ADAMTS17: variants seen among roughly 807,000 people sequenced by gnomAD.
ADAMTS17 encodes ADAM metallopeptidase with thrombospondin type 1 motif 17.
ADAMTS17 carries 113 observed loss-of-function variants against 141.5 expected under a neutral mutation model. That is an observed-to-expected ratio of 0.80 (90% CI 0.69 to 0.93). The LOEUF is 0.93. Among genes scored for constraint, ADAMTS17 ranks in the 40% least tolerant of loss-of-function variants. The probability of loss-of-function intolerance (pLI) is 0.00; values close to 1 mark genes in which losing one functional copy is unlikely to be tolerated. For synonymous variants in ADAMTS17, 768 were observed against 630.6 expected (o/e 1.22, Z -3.27); for missense variants, 1,659 against 1,517.9 (o/e 1.09, Z -1.54).
intron 8 of ADAMTS17, among the ~76,000 whole-genome samples, chr15:100,182,302 T>C (rs936049052): frequency 9.2e-5 from 14 of 152,164 alleles, no homozygotes; most frequent in African/African-American, 3.1e-4. Flanking sequence ...TCAGATCTGG[T>C]GAGCACTCAC....
chr15:99,993,575 C>T lies in ADAMTS17; in HGVS notation c.2797-375G>A, dbSNP rs749281708. Among the ~76,000 whole-genome samples, 66 of 152,268 alleles carry T rather than the reference C, an allele frequency of 4.3e-4. No individual in the cohort carries two copies. Among genetic ancestry groups the T allele is most frequent in the Non-Finnish European group, 8.7e-4 (59 of 68,014 alleles). On this transcript the variant is annotated intron_variant, in intron 19 of 21. Coordinates refer to ENST00000268070, the MANE Select transcript of ADAMTS17 (RefSeq NM_139057.4). This position sits in a 1 kb window ranked among gnomAD's most constrained non-coding sequence, Gnocchi z 4.3. Reference sequence around the variant, plus strand: ...AGTGGGGCAGGGAACAGGGGCCAGCCGGAGCAAGGTGAGGCCCTAAAGCTG... The same window carrying T: ...AGTGGGGCAGGGAACAGGGGCCAGCTGGAGCAAGGTGAGGCCCTAAAGCTG...
intron 18 of ADAMTS17, among the ~76,000 whole-genome samples, chr15:100,014,387 T>C (rs1407832971): frequency 6.6e-6 from 1 of 152,182 alleles, no homozygotes; most frequent in Non-Finnish European, 1.5e-5. Context: ...TGCTCTGATC[T>C]TGGTTATTTC....
intron 4 of ADAMTS17, among the ~76,000 whole-genome samples, chr15:100,273,678 C>T (rs1000734643): frequency 1.3e-5 from 2 of 152,084 alleles, no homozygotes; most frequent in Non-Finnish European, 2.9e-5. Context: ...CTGTCCTTTT[C>T]TCTCTGCTTT....
intron 18 of ADAMTS17, among the ~76,000 whole-genome samples, chr15:100,021,085 C>G (rs2061399209): frequency 6.6e-6 from 1 of 152,150 alleles, no homozygotes; most frequent in Non-Finnish European, 1.5e-5. Context: ...TGTTTGAGGA[C>G]CTTATCTATG....
At chr15:100,328,713 A>AAC (rs1413845678) in intron 3 of ADAMTS17, among the ~76,000 whole-genome samples, 2 of 152,212 alleles carry the variant, frequency 1.3e-5, no homozygotes, top group Non-Finnish European at 2.9e-5. Context: ...CAAAAATGCA[A>AAC]ACACAAGCAC....
chr15:100,229,713 A>G (rs545609798), intron 7 of ADAMTS17, among the ~76,000 whole-genome samples: 1 of 152,118 alleles, frequency 6.6e-6, no homozygotes, highest in Non-Finnish European at 1.5e-5. Flanking sequence ...CCCACAACAA[A>G]ACACCCACAG....
chr15:100,337,417 G>A (rs2046239733), intron 2 of ADAMTS17, among the ~76,000 whole-genome samples: 1 of 152,200 alleles, frequency 6.6e-6, no homozygotes, highest in South Asian at 2.1e-4. Context: ...ATGTGGCTGT[G>A]GCAACAGAAG....
rs552133232 is a variant in ADAMTS17 at position 99,993,555 on chromosome 15, G to C, written c.2797-355C>G. On this transcript the variant is annotated intron_variant, in intron 19 of 21. Transcript: ENST00000268070. This position sits in a 1 kb window ranked among gnomAD's most constrained non-coding sequence, Gnocchi z 4.3. ...AGGTGTGTGATGGAGCCATGAGTGG[G>C]GCAGGGAACAGGGGCCAGCCGGAGC... Among the ~76,000 whole-genome samples the C allele has an allele frequency of 1.8e-4, 27 of 152,318 alleles. No individual in the cohort carries two copies. In the South Asian group the frequency reaches 5.4e-3, roughly 30 times the overall value.
At chr15:99,996,777 T>A (rs1006967992) in intron 19 of ADAMTS17, among the ~76,000 whole-genome samples, 3 of 152,164 alleles carry the variant, frequency 2.0e-5, no homozygotes, top group African/African-American at 7.2e-5. Context: ...AGCTATTTTT[T>A]TTTTTGTAGT....
At chr15:100,030,254 C>T (rs980023138) in intron 18 of ADAMTS17, among the ~76,000 whole-genome samples, 4 of 152,192 alleles carry the variant, frequency 2.6e-5, no homozygotes, top group African/African-American at 7.2e-5. Context: ...GCCATGTGCA[C>T]GGTGTGGGCC....
rs541476868 is a variant in ADAMTS17, at chr15:100,206,785, T to A, written c.1076-7362A>T. ...TCGAATCTCCCTTCAGAGATTCAAA[T>A]GCGACCTGGAAGGAGGGGCACATTC... On this transcript the variant is annotated intron_variant, in intron 7 of 21. Coordinates refer to ENST00000268070, the MANE Select transcript of ADAMTS17 (RefSeq NM_139057.4). Among the ~76,000 whole-genome samples, 150 of 152,308 alleles carry A rather than the reference T, an allele frequency of 9.8e-4. 1 individual carries two copies. The highest frequency in any genetic ancestry group is 3.4e-3 in the African/African-American group (140 of 41,574).
At chr15:100,315,789 A>G (rs566379393) in intron 3 of ADAMTS17, among the ~76,000 whole-genome samples, 1 of 152,334 alleles carries the variant, frequency 6.6e-6, no homozygotes, top group Non-Finnish European at 1.5e-5. Flanking sequence ...TTTAACTCAT[A>G]CTTACATGAA....
intron 15 of ADAMTS17, among the ~76,000 whole-genome samples, chr15:100,074,464 T>C (rs911543666): frequency 6.6e-6 from 1 of 152,140 alleles, no homozygotes; most frequent in African/African-American, 2.4e-5. Context: ...CTGCATGCTC[T>C]TTCAGCATCT....
intron 13 of ADAMTS17, among the ~76,000 whole-genome samples, chr15:100,115,316 T>C (rs2037047066): frequency 6.6e-6 from 1 of 152,174 alleles, no homozygotes; most frequent in Admixed American, 6.5e-5. Flanking sequence ...ACACGTTCCT[T>C]CTAGGAGGGC....
rs568755234 is a variant in ADAMTS17, at chr15:100,216,335, G to A, written c.1076-16912C>T. On this transcript the variant is annotated intron_variant, in intron 7 of 21. Transcript: ENST00000268070. Reference sequence around the variant, plus strand: ...CCAAAACTCTGTGCCAAAAGGCACAGGACAATTTCACAATGATCGGCAGTT... The same window carrying A: ...CCAAAACTCTGTGCCAAAAGGCACAAGACAATTTCACAATGATCGGCAGTT... Among the ~76,000 whole-genome samples, 16 of 152,362 alleles carry A rather than the reference G, an allele frequency of 1.1e-4. No homozygotes were observed. The South Asian group carries it at 3.1e-3, about 30-fold the overall frequency.
chr15:100,056,909 G>C (rs574870581), intron 15 of ADAMTS17, among the ~76,000 whole-genome samples: 1 of 152,080 alleles, frequency 6.6e-6, no homozygotes, highest in Non-Finnish European at 1.5e-5. Flanking sequence ...CAAGCTTTAT[G>C]GTAAGGTGCC....
At chr15:100,270,244 C>T (rs146764517) in intron 4 of ADAMTS17, among the ~76,000 whole-genome samples, 4 of 152,244 alleles carry the variant, frequency 2.6e-5, no homozygotes, top group East Asian at 1.9e-4. Context: ...CATTTGTAGC[C>T]GCCAGGCATT....
chr15:100,217,379 C>T (rs1596301279), intron 7 of ADAMTS17, among the ~76,000 whole-genome samples: 1 of 152,156 alleles, frequency 6.6e-6, no homozygotes, highest in African/African-American at 2.4e-5. Flanking sequence ...GGCGGACCAC[C>T]TGAGGTCCAG....
At chr15:100,125,432 G>A (rs941291093) in intron 12 of ADAMTS17, among the ~76,000 whole-genome samples, 2 of 152,264 alleles carry the variant, frequency 1.3e-5, no homozygotes, top group African/African-American at 2.4e-5. Flanking sequence ...CCGTCCTCCC[G>A]CCGTCTTAGC....
Sources: allele counts gnomAD v4.1 joint callset (sites outside exome capture counted in the v4.1 genomes callset), GRCh38; gene constraint gnomAD v4.1.1; non-coding constraint Gnocchi (gnomAD v3.1); transcripts MANE v1.5; gene names NCBI Gene and HGNC (gene_info 2026-07-23, HGNC 2026-07-21).